Variants in NALF1 observed in about 807,000 individuals in gnomAD.
NALF1 encodes NALCN channel auxiliary factor 1.
Under a neutral mutation model 48.4 loss-of-function variants are expected in NALF1, and 3 were observed. The ratio of observed to expected loss-of-function variants is 0.06; its 90% CI spans 0.03 to 0.16. The LOEUF (loss-of-function observed/expected upper bound fraction) is 0.16, where lower values mean the gene tolerates loss of function less well. Ranked by LOEUF, NALF1 falls within the 10% of genes least tolerant of loss-of-function variation. NALF1 has a pLI of 1.00. For synonymous variants in NALF1, 262 were observed against 245.7 expected (o/e 1.07, Z -0.62); for missense variants, 526 against 571.5 (o/e 0.92, Z 0.81).
chr13:107,331,387 C>T (rs1368968386), intron 1 of NALF1, among the ~76,000 whole-genome samples: 1 of 152,040 alleles, frequency 6.6e-6, no homozygotes, highest in Non-Finnish European at 1.5e-5. Context: ...TAATGTTTAC[C>T]ATGTTCTTAT....
At chr13:107,612,860 C>CA (rs1460346635) in intron 1 of NALF1, among the ~76,000 whole-genome samples, 1 of 152,104 alleles carries the variant, frequency 6.6e-6, no homozygotes, top group Admixed American at 6.5e-5. Context: ...CCCTTTCTCT[C>CA]ATAGGATAAC....
intron 1 of NALF1, among the ~76,000 whole-genome samples, chr13:107,635,435 G>C (rs1879949761): frequency 3.6e-5 from 2 of 55,808 alleles, no homozygotes; most frequent in Non-Finnish European, 9.2e-5. Context: ...GCAACATAGG[G>C]GTAACCACCT....
intron 1 of NALF1, among the ~76,000 whole-genome samples, chr13:107,724,723 A>T (rs902057662): frequency 5.3e-5 from 8 of 152,032 alleles, no homozygotes; most frequent in Non-Finnish European, 1.0e-4. Flanking sequence ...CACCATGCCC[A>T]TCAAATTTTT....
At chr13:107,583,178 T>C (rs1254334969) in intron 1 of NALF1, among the ~76,000 whole-genome samples, 1 of 152,072 alleles carries the variant, frequency 6.6e-6, no homozygotes, top group Admixed American at 6.6e-5. Flanking sequence ...ATAAGACATA[T>C]AGACATATAA....
intron 1 of NALF1, among the ~76,000 whole-genome samples, chr13:107,486,467 C>T (rs1430167954): frequency 6.6e-6 from 1 of 152,030 alleles, no homozygotes; most frequent in Non-Finnish European, 1.5e-5. Flanking sequence ...AAACCATGGC[C>T]CAAATCTCCC....
At chr13:107,691,015 T>C (rs1881555558) in intron 1 of NALF1, among the ~76,000 whole-genome samples, 1 of 152,226 alleles carries the variant, frequency 6.6e-6, no homozygotes, top group South Asian at 2.1e-4. Context: ...AACTTTAACT[T>C]ACTTCGTAAA....
intron 1 of NALF1, among the ~76,000 whole-genome samples, chr13:107,566,586 C>A (rs1306433380): frequency 1.3e-5 from 2 of 152,178 alleles, no homozygotes; most frequent in Non-Finnish European, 2.9e-5. Flanking sequence ...ACCAACCTCA[C>A]GGAAAGGGGT....
intron 1 of NALF1, among the ~76,000 whole-genome samples, chr13:107,633,721 G>GTATATA (rs71121539): frequency 1.7e-4 from 25 of 145,808 alleles, no homozygotes; most frequent in African/African-American, 3.3e-4. Flanking sequence ...ATATGTGTGT[G>GTATATA]TATATATATA....
chr13:107,771,503 T>A (rs117553540), intron 1 of NALF1, among the ~76,000 whole-genome samples: 1 of 144,226 alleles, frequency 6.9e-6, no homozygotes, highest in South Asian at 2.2e-4. Context: ...ATATAAAATC[T>A]ATAATATGTA....
chr13:107,848,140 T>C (rs536141971), intron 1 of NALF1, among the ~76,000 whole-genome samples: 1 of 152,328 alleles, frequency 6.6e-6, no homozygotes, highest in Admixed American at 6.5e-5. Context: ...TTGTTGCTGA[T>C]TACAACACAA....
chr13:107,784,292 C>G (rs1343560341), intron 1 of NALF1, among the ~76,000 whole-genome samples: 1 of 152,198 alleles, frequency 6.6e-6, no homozygotes, highest in Non-Finnish European at 1.5e-5. Flanking sequence ...ATGGAAACCG[C>G]ATGCTGCAGG....
At chr13:107,687,899 G>A (rs1216922964) in intron 1 of NALF1, among the ~76,000 whole-genome samples, 1 of 152,174 alleles carries the variant, frequency 6.6e-6, no homozygotes, top group African/African-American at 2.4e-5. Flanking sequence ...CTTTGGAACA[G>A]CACTGGGAAA....
chr13:107,234,729 A>G (rs1267312085), intron 1 of NALF1, among the ~76,000 whole-genome samples: 2 of 152,134 alleles, frequency 1.3e-5, no homozygotes, highest in African/African-American at 2.4e-5. Context: ...AACAAACAAA[A>G]CAAAAAACCA....
rs188104424 is a variant in NALF1, at chr13:107,641,033, A to T, written c.915+224649T>A. 1.7e-3 allele frequency among the ~76,000 whole-genome samples: 258 copies of T among 152,370 alleles called. 1 individual carries two copies. The highest frequency in any genetic ancestry group is 2.9e-3 in the Non-Finnish European group (199 of 68,034). Reference sequence around the variant, plus strand: ...ATGTCCATCAATGGATAAATGGATAACTAAAATATGGTATTGACACACAAT... The same window carrying T: ...ATGTCCATCAATGGATAAATGGATATCTAAAATATGGTATTGACACACAAT... On this transcript the variant is annotated intron_variant, in intron 1 of 2. Coordinates refer to ENST00000375915, the MANE Select transcript of NALF1 (RefSeq NM_001080396.3).
At chr13:107,694,230 G>T (rs564941069) in intron 1 of NALF1, among the ~76,000 whole-genome samples, 1 of 152,098 alleles carries the variant, frequency 6.6e-6, no homozygotes, top group Non-Finnish European at 1.5e-5. Context: ...TCTCAGCCTC[G>T]ATCCATGTTT....
chr13:107,496,339 A>G (rs1875333793), intron 1 of NALF1, among the ~76,000 whole-genome samples: 1 of 152,222 alleles, frequency 6.6e-6, no homozygotes, highest in Non-Finnish European at 1.5e-5. Flanking sequence ...GATACAAAGT[A>G]AATGGAAATT....
chr13:107,573,227 C>T (rs1174313090), intron 1 of NALF1, among the ~76,000 whole-genome samples: 1 of 152,186 alleles, frequency 6.6e-6, no homozygotes. Context: ...AGTAAGCACA[C>T]CAAATTGTTT....
chr13:107,377,773 G>A (rs931360533), intron 1 of NALF1, among the ~76,000 whole-genome samples: 4 of 152,076 alleles, frequency 2.6e-5, no homozygotes, highest in African/African-American at 9.7e-5. Context: ...AAAGTTACAT[G>A]GAAATGCACA....
chr13:107,449,104 C>T (rs1198860897), intron 1 of NALF1, among the ~76,000 whole-genome samples: 2 of 152,094 alleles, frequency 1.3e-5, no homozygotes, highest in South Asian at 2.1e-4. Context: ...ATTAGCTGGG[C>T]GTGATGGTGG....
Sources: gnomAD v4.1 joint callset for allele counts (sites outside exome capture counted in the v4.1 genomes callset) on GRCh38, gnomAD v4.1.1 for gene constraint, MANE v1.5 for transcripts, NCBI Gene and HGNC (gene_info 2026-07-23, HGNC 2026-07-21) for gene names.